GRIP1: variants seen among roughly 807,000 people sequenced by gnomAD.
The protein encoded by GRIP1 is glutamate receptor-interacting protein 1.
In GRIP1, 45 loss-of-function variants were observed where a neutral mutation model predicts 129.9. The observed-to-expected ratio is 0.35, with a 90% CI of 0.27 to 0.44. The LOEUF is 0.44. Ranked by LOEUF, GRIP1 falls within the 20% of genes least tolerant of loss-of-function variation. The pLI is 1.00. For missense variants in GRIP1, 1,196 were observed against 1,396.8 expected (o/e 0.86, Z 2.29); for synonymous variants, 530 against 520.8 (o/e 1.02, Z -0.24).
intron 23 of GRIP1, among the ~76,000 whole-genome samples, chr12:66,364,940 C>T (rs1245998774): frequency 6.6e-6 from 1 of 151,866 alleles, no homozygotes; most frequent in African/African-American, 2.4e-5. Flanking sequence ...TCCCTTTTTC[C>T]CCAGGGCGTG....
At chr12:66,835,248 T>C (rs1192937361) in intron 1 of GRIP1, among the ~76,000 whole-genome samples, 1 of 152,146 alleles carries the variant, frequency 6.6e-6, no homozygotes, top group Non-Finnish European at 1.5e-5. Context: ...CAATATAGTA[T>C]AGCCATTCTG....
At chr12:66,401,653 CACAT>C (rs1445140919) in intron 16 of GRIP1, among the ~76,000 whole-genome samples, 6 of 147,366 alleles carry the variant, frequency 4.1e-5, no homozygotes, top group African/African-American at 1.5e-4. Context: ...CACACACACA[CACAT>C]ATATCTCCTC....
At chr12:67,038,785 C>T (rs1277287679) in intron 1 of GRIP1, among the ~76,000 whole-genome samples, 1 of 152,104 alleles carries the variant, frequency 6.6e-6, no homozygotes, top group East Asian at 1.9e-4. Context: ...GAATTTTTCC[C>T]CTCATAATTA....
rs1351501421 is a variant in GRIP1 at position 66,456,201 on chromosome 12, G to A, written c.1184C>T (p.Pro395Leu). Residue 395 changes from proline (P) to leucine (L), a missense_variant, in exon 10 of 25, where the codon CCT becomes CTT. Around this residue, in one of 5 missense-constraint regions of GRIP1, gnomAD observed 508 missense variants for 587.0 expected, o/e 0.87. Transcript: ENST00000359742. ...VPALTFPKAP[P>L]PNSPPALVSS... ...TGGAACATTACGAGGGCTGTTTGGAGGAGGTGCTTTCGGGAATGTCAGGGC... is the reference window on the plus strand; with the variant it reads ...TGGAACATTACGAGGGCTGTTTGGAAGAGGTGCTTTCGGGAATGTCAGGGC... 1 of 1,289,070 alleles carries A rather than the reference G, an allele frequency of 7.8e-7. No individual in the cohort carries two copies. The highest frequency in any genetic ancestry group is 1.5e-5 in the African/African-American group (1 of 65,830). The allele number at this position is 1,289,070 out of a possible 1,614,324, so 79.9% of individuals were successfully genotyped here. A position where few individuals can be genotyped will look rare whatever the true frequency, so the allele number is the denominator to read the frequency against.
intron 1 of GRIP1, among the ~76,000 whole-genome samples, chr12:66,853,008 T>C (rs1464078171): frequency 7.2e-5 from 11 of 151,794 alleles, no homozygotes; most frequent in Non-Finnish European, 1.5e-5. Flanking sequence ...GCAGAACACA[T>C]CTTAACCCTC....
intron 1 of GRIP1, among the ~76,000 whole-genome samples, chr12:66,969,459 T>G (rs2137566637): frequency 6.6e-6 from 1 of 152,278 alleles, no homozygotes; most frequent in Admixed American, 6.5e-5. Context: ...GCAGCCAGAG[T>G]GCAGTTAATA....
intron 1 of GRIP1, among the ~76,000 whole-genome samples, chr12:67,046,264 G>C (rs1285150040): frequency 6.6e-6 from 1 of 152,162 alleles, no homozygotes; most frequent in East Asian, 1.9e-4. Context: ...AGCTGCTAGA[G>C]GCAGGAGGAG....
chr12:66,905,830 G>T (rs1478823052), intron 1 of GRIP1, among the ~76,000 whole-genome samples: 3 of 151,932 alleles, frequency 2.0e-5, no homozygotes, highest in Non-Finnish European at 4.4e-5. Flanking sequence ...TTCAACTTTC[G>T]CAAGTTACCT....
intron 1 of GRIP1, among the ~76,000 whole-genome samples, chr12:66,979,617 A>G (rs1247765903): frequency 6.6e-6 from 1 of 152,200 alleles, no homozygotes; most frequent in Non-Finnish European, 1.5e-5. Flanking sequence ...TAACCCCCAG[A>G]AAGACGCATA....
intron 1 of GRIP1, among the ~76,000 whole-genome samples, chr12:66,769,042 A>C (rs895929716): frequency 6.6e-6 from 1 of 152,130 alleles, no homozygotes; most frequent in Admixed American, 6.5e-5. Context: ...TTGCATGAGA[A>C]TCATCTGGAG....
intron 7 of GRIP1, among the ~76,000 whole-genome samples, chr12:66,502,503 G>A (rs926591421): frequency 5.9e-5 from 9 of 152,166 alleles, no homozygotes; most frequent in Non-Finnish European, 1.3e-4. Context: ...CAAATCTCAT[G>A]TTGAAATGTA....
intron 1 of GRIP1, among the ~76,000 whole-genome samples, chr12:66,849,584 G>A (rs1442153735): frequency 6.6e-6 from 1 of 151,980 alleles, no homozygotes; most frequent in South Asian, 2.1e-4. Flanking sequence ...CCACTACACT[G>A]CAGCCTAGGT....
intron 1 of GRIP1, among the ~76,000 whole-genome samples, chr12:66,878,297 C>T (rs1187160747): frequency 3.3e-5 from 5 of 151,826 alleles, no homozygotes; most frequent in Non-Finnish European, 7.4e-5. Flanking sequence ...GCTAAAGGAA[C>T]CTGGAAGAGG....
At chr12:67,007,607 A>C (rs544936480) in intron 1 of GRIP1, among the ~76,000 whole-genome samples, 13 of 152,266 alleles carry the variant, frequency 8.5e-5, no homozygotes, top group African/African-American at 3.1e-4. Context: ...ACAATGTCTA[A>C]GAGTTTATTA....
intron 1 of GRIP1, among the ~76,000 whole-genome samples, chr12:66,623,773 C>T (rs2065372866): frequency 1.3e-5 from 2 of 152,094 alleles, no homozygotes; most frequent in Admixed American, 1.3e-4. Context: ...AAGACATTTC[C>T]TATTTGGTTT....
At chr12:66,520,189 A>C (rs2060959261) in intron 5 of GRIP1, among the ~76,000 whole-genome samples, 1 of 152,134 alleles carries the variant, frequency 6.6e-6, no homozygotes, top group East Asian at 1.9e-4. Context: ...CTATTGATCT[A>C]AGTTTAGCTC....
chr12:66,674,883 G>C (rs61926121), intron 1 of GRIP1, among the ~76,000 whole-genome samples: 12,057 of 152,184 alleles, frequency 0.079, 564 homozygotes, highest in African/African-American at 0.12. Flanking sequence ...AAATCAGGAA[G>C]AAGAGAGGGA....
intron 1 of GRIP1, among the ~76,000 whole-genome samples, chr12:67,048,747 A>G (rs1189284927): frequency 1.3e-5 from 2 of 152,148 alleles, no homozygotes; most frequent in Non-Finnish European, 2.9e-5. Flanking sequence ...ATGATAGTGA[A>G]TAAGTCTCAC....
intron 2 of GRIP1, among the ~76,000 whole-genome samples, chr12:66,555,643 T>C (rs979099375): frequency 6.6e-6 from 1 of 152,094 alleles, no homozygotes; most frequent in African/African-American, 2.4e-5. Context: ...AATAGGTGAC[T>C]GGAGGAAACT....
Sources: allele counts gnomAD v4.1 joint callset (sites outside exome capture counted in the v4.1 genomes callset), GRCh38; gene constraint gnomAD v4.1.1; regional missense constraint gnomAD v4.1.1; transcripts MANE v1.5; gene names NCBI Gene and HGNC (gene_info 2026-07-23, HGNC 2026-07-21).